The following BSDC1 variants were observed in gnomAD, a reference collection of about 807,000 sequenced individuals.
BSDC1 encodes BSD domain-containing protein 1.
In BSDC1, 29 loss-of-function variants were observed where a neutral mutation model predicts 56.0. The observed-to-expected ratio is 0.52, with a 90% CI of 0.39 to 0.71. BSDC1 has a LOEUF of 0.71. Among genes scored for constraint, BSDC1 ranks in the 30% least tolerant of loss-of-function variants. The probability of loss-of-function intolerance (pLI) is 0.00; values close to 1 mark genes in which losing one functional copy is unlikely to be tolerated. For synonymous variants in BSDC1, 210 were observed against 215.3 expected (o/e 0.98, Z 0.21); for missense variants, 477 against 548.5 (o/e 0.87, Z 1.30).
chr1:32,372,218 G>A (rs1014239577), intron 9 of BSDC1, among the ~76,000 whole-genome samples: 2 of 152,210 alleles, frequency 1.3e-5, no homozygotes, highest in East Asian at 3.8e-4. Context: ...CAGGAAGTCA[G>A]GGCAGCCAAG....
rs757406630 is a variant in BSDC1 at position 32,378,312 on chromosome 1, CTT to C, written c.529-31_529-30del. 1.9e-5 allele frequency: 30 copies of C among 1,609,392 alleles called. No homozygotes were observed. In the South Asian group the frequency reaches 3.3e-4, roughly 18 times the overall value. ...GAGGGAGGGGAAAATGGAGGTGAGA[CTT>C]TGGGAGTGTTTGTGTGGGGTCTGTG... is the stretch of plus-strand genomic sequence containing the variant. On this transcript the variant is annotated intron_variant, in intron 6 of 10. Transcript: ENST00000455895. This position sits in a 1 kb window ranked among gnomAD's most constrained non-coding sequence, Gnocchi z 5.2.
intron 4 of BSDC1, 66 bp downstream of exon 4, chr1:32,383,764 C>T: frequency 1.3e-6 from 2 of 1,503,076 alleles, no homozygotes; most frequent in Non-Finnish European, 1.8e-6. Context: ...TTTGTGAGTA[C>T]AGGATGGAAG....
intron 10 of BSDC1, chr1:32,367,739 T>C (rs1641904393): frequency 1.1e-5 from 11 of 959,910 alleles, no homozygotes; most frequent in Non-Finnish European, 1.4e-5. Flanking sequence ...GCTTAATAAC[T>C]GGAATGGGTT....
rs559417190 is a variant in BSDC1, at chr1:32,366,297, T to G, written c.*325A>C. 37 of 533,338 alleles carry G rather than the reference T, an allele frequency of 6.9e-5. No individual in the cohort carries two copies. In the South Asian group the frequency reaches 7.1e-4, roughly 10 times the overall value. 33.0% of individuals were successfully genotyped at this position (533,338 alleles called of 1,614,324 possible). On this transcript the variant is annotated 3_prime_UTR_variant, in exon 11 of 11. Coordinates refer to ENST00000455895, the MANE Select transcript of BSDC1 (RefSeq NM_018045.8). ...AGGCAGAAGGGCTAGAACTATCCCT[T>G]GGGACTTCCCAGCAGGAGTCCTCAG... is the stretch of plus-strand genomic sequence containing the variant.
chr1:32,379,143 G>A (rs1328971577), intron 5 of BSDC1, among the ~76,000 whole-genome samples: 1 of 152,098 alleles, frequency 6.6e-6, no homozygotes, highest in Non-Finnish European at 1.5e-5. Context: ...AGCTGCCAAA[G>A]CCAACATCTA....
chr1:32,383,964 T>G lies in BSDC1; in HGVS notation c.223A>C (p.Lys75Gln), dbSNP rs766045450. Residue 75 changes from lysine (K) to glutamine (Q), a missense_variant, in exon 4 of 11, where the codon AAG becomes CAG. Transcript: ENST00000455895. ...CCTAGGAAGTCAGATAACCCTTTCT[T>G]CATCTTCTCTGTTGCTCCTGAGGAG... Reference protein sequence around the residue: ...EGSSGATEKMKKGLSDFLGVI... With the variant: ...EGSSGATEKMQKGLSDFLGVI... 2.5e-6 allele frequency: 4 copies of G among 1,613,134 alleles called. No homozygotes were observed. The South Asian group carries it at 4.4e-5, about 18-fold the overall frequency.
At chr1:32,370,318 C>T (rs1243905903) in intron 9 of BSDC1, among the ~76,000 whole-genome samples, 1 of 152,156 alleles carries the variant, frequency 6.6e-6, no homozygotes, top group African/African-American at 2.4e-5. Context: ...CACTTTCTAA[C>T]ATATTACATA....
intron 5 of BSDC1, among the ~76,000 whole-genome samples, chr1:32,379,107 C>T (rs1465898083): frequency 6.6e-6 from 1 of 152,124 alleles, no homozygotes; most frequent in Non-Finnish European, 1.5e-5. Context: ...ATCTCTGAAA[C>T]AGCTGTTCTC....
At position 32,366,117 on chromosome 1, in the gene BSDC1, G is replaced by A. The variant is rs1356314291; in HGVS notation, c.*505C>T. On this transcript the variant is annotated 3_prime_UTR_variant, in exon 11 of 11. Transcript: ENST00000455895. ...AGAGGCAAATTTCCCAGAGATAAGT[G>A]CCTCTTACCCACTGGGATAGGAACC... 5.8e-6 allele frequency: 1 copy of A among 173,398 alleles called. No homozygotes were observed. The highest frequency in any genetic ancestry group is 1.2e-5 in the Non-Finnish European group (1 of 80,484). 10.7% of individuals were successfully genotyped at this position (173,398 alleles called of 1,614,324 possible). A position where few individuals can be genotyped will look rare whatever the true frequency, so the allele number is the denominator to read the frequency against.
intron 9 of BSDC1, among the ~76,000 whole-genome samples, chr1:32,370,073 G>C (rs1327378206): frequency 1.3e-5 from 2 of 152,258 alleles, no homozygotes; most frequent in East Asian, 3.8e-4. Context: ...TGCCTCGCAG[G>C]TTCAAGTGAT....
chr1:32,380,660 A>C (rs993273064), intron 5 of BSDC1, among the ~76,000 whole-genome samples: 3 of 152,048 alleles, frequency 2.0e-5, no homozygotes, highest in Non-Finnish European at 4.4e-5. Flanking sequence ...ACAAACAAAC[A>C]AACAAACAAA....
chr1:32,369,438 GTTCA>G, intron 9 of BSDC1: 1 of 446,848 alleles, frequency 2.2e-6, no homozygotes, highest in Non-Finnish European at 3.9e-6. Flanking sequence ...GAGCCCAGGA[GTTCA>G]AGGCTGCAGT....
At chr1:32,387,445 G>A (rs1642713470) in intron 2 of BSDC1, among the ~76,000 whole-genome samples, 1 of 151,902 alleles carries the variant, frequency 6.6e-6, no homozygotes, top group Non-Finnish European at 1.5e-5. Flanking sequence ...GGGTTCAAGC[G>A]ATTTTCGTGC....
At chr1:32,367,352 C>T (rs895620867) in intron 10 of BSDC1, 2 of 985,334 alleles carry the variant, frequency 2.0e-6, no homozygotes, top group Non-Finnish European at 2.4e-6. Context: ...CCAGCAAGCC[C>T]CTGTGGCCTG....
intron 5 of BSDC1, among the ~76,000 whole-genome samples, chr1:32,379,423 T>C (rs1642409484): frequency 6.6e-6 from 1 of 152,146 alleles, no homozygotes; most frequent in African/African-American, 2.4e-5. Context: ...CAGCCCAGGC[T>C]ACTCTCTTGG....
At position 32,383,811 on chromosome 1, in the gene BSDC1, G is replaced by A; in HGVS notation, c.357+19C>T. Reference sequence around the variant, plus strand: ...GTTACAGATGTTAGGCATCTGCAGGGGAGACTGTCAGTGAATACCTTGGTG... The same window carrying A: ...GTTACAGATGTTAGGCATCTGCAGGAGAGACTGTCAGTGAATACCTTGGTG... On this transcript the variant is annotated intron_variant, in intron 4 of 10. Transcript: ENST00000455895. 1 of 1,610,580 alleles carries A rather than the reference G, an allele frequency of 6.2e-7. No homozygotes were observed. The highest frequency in any genetic ancestry group is 1.7e-5 in the Admixed American group (1 of 60,014).
At chr1:32,382,208 C>CAG (rs10565822) in intron 4 of BSDC1, among the ~76,000 whole-genome samples, 1 of 137,154 alleles carries the variant, frequency 7.3e-6, no homozygotes, top group Non-Finnish European at 1.5e-5. Context: ...GTCTGGGCGA[C>CAG]AGAGAGAGAC....
chr1:32,374,090 G>C (rs1422569098), intron 9 of BSDC1, among the ~76,000 whole-genome samples: 2 of 152,000 alleles, frequency 1.3e-5, no homozygotes, highest in African/African-American at 4.8e-5. Flanking sequence ...TTACTGGGTG[G>C]GTCACTGATC....
At chr1:32,371,845 C>T (rs566158930) in intron 9 of BSDC1, among the ~76,000 whole-genome samples, 10 of 152,292 alleles carry the variant, frequency 6.6e-5, no homozygotes, top group African/African-American at 2.2e-4. Flanking sequence ...ATACCTACTC[C>T]TTTACTGTGT....
Sources: gnomAD v4.1 joint callset for allele counts (sites outside exome capture counted in the v4.1 genomes callset) on GRCh38, gnomAD v4.1.1 for gene constraint, Gnocchi (gnomAD v3.1) non-coding constraint, MANE v1.5 for transcripts, NCBI Gene and HGNC (gene_info 2026-07-23, HGNC 2026-07-21) for gene names.